Variants in ZC3H13 observed in about 807,000 individuals in gnomAD.
The protein encoded by ZC3H13 is zinc finger CCCH-type containing 13.
A neutral mutation model predicts 204.1 loss-of-function variants in ZC3H13; 64 were observed. The ratio of observed to expected loss-of-function variants is 0.31; its 90% confidence interval spans 0.26 to 0.39. The LOEUF is 0.39. Among genes scored for constraint, ZC3H13 ranks in the 10% least tolerant of loss-of-function variants. The pLI, the probability that ZC3H13 is intolerant of heterozygous loss-of-function variation, is 1.00. For missense variants in ZC3H13, 1,833 were observed against 2,082.7 expected, an observed-to-expected ratio of 0.88 and a Z score of 2.33; for synonymous variants, 667 against 693.7, an observed-to-expected ratio of 0.96 and a Z score of 0.60.
At chr13:46,030,820 G>T (rs924479657) in intron 4 of ZC3H13, among the ~76,000 whole-genome samples, 1 of 152,154 alleles carries the variant, frequency 6.6e-6, no homozygotes, top group Non-Finnish European at 1.5e-5. Context: ...TAAATGAAGA[G>T]TTATTCCATG....
rs2044571519 is a variant in ZC3H13 at position 46,052,678 on chromosome 13, A to G, written c.-284T>C. The G allele has an allele frequency of 1.0e-5, 4 of 398,800 alleles. No homozygotes were observed. Among genetic ancestry groups the G allele is most frequent in the Non-Finnish European group, 1.3e-5 (3 of 226,226 alleles). 24.7% of individuals were successfully genotyped at this position (398,800 alleles called of 1,614,324 possible). On this transcript the variant is annotated 5_prime_UTR_variant, in exon 1 of 19. Coordinates refer to ENST00000679008, the MANE Select transcript of ZC3H13 (RefSeq NM_001330564.2). ...ATAACGAAGAGATTGTAGATTAAGA[A>G]AAGGCAACAAAAACACTACCAGGCC...
At position 45,969,834 on chromosome 13, in the gene ZC3H13, G is replaced by A. The variant is rs1952433557; in HGVS notation, c.2710C>T (p.Arg904Cys). 21 of 1,613,826 alleles carry A rather than the reference G, an allele frequency of 1.3e-5. No individual in the cohort carries two copies. Among genetic ancestry groups the A allele is most frequent in the Non-Finnish European group, 1.7e-5 (20 of 1,179,988 alleles). The change falls in exon 14 of 19, where the codon CGC becomes TGC. Residue 904 changes from arginine (R) to cysteine (C), a missense_variant. This residue lies in a region of ZC3H13 where 1,574 missense variants were observed against 1,757.2 expected (regional missense o/e 0.90). Transcript: ENST00000679008. ...RKPERKESSRRYEEQELKEKV... is the reference protein window; with the variant it reads ...RKPERKESSRCYEEQELKEKV... ...TCCTTGAGTTCCTGTTCTTCGTAGC[G>A]CCTTGAACTCTCTTTCCTTTCTGGT...
Position 45,979,985 on chromosome 13 carries a change from A to C in ZC3H13, c.1740T>G (p.Gly580=). The C allele has an allele frequency of 6.2e-7, 1 of 1,602,850 alleles. No individual in the cohort carries two copies. The highest frequency in any genetic ancestry group is 8.5e-7 in the Non-Finnish European group (1 of 1,176,088). ...LPEKGSRGSR[G]SQIDSHSSNS... ...TACTACTGTGACTATCAATTTGAGA[A>C]CCTCTTGAGCCTCGACTTCCTAAAC... Residue 580 remains glycine, a synonymous_variant, in exon 11 of 19, where the codon GGT becomes GGG. Transcript: ENST00000679008.
In ZC3H13 at chr13:45,967,706, T is replaced by TCTGTCC. The variant is rs758284534; in HGVS notation, c.4113_4118dup (p.Asp1376_Arg1377dup). The TCTGTCC allele has an allele frequency of 1.9e-6, 3 of 1,613,940 alleles. No homozygotes were observed. Among genetic ancestry groups the TCTGTCC allele is most frequent in the African/African-American group, 1.3e-5 (1 of 74,930 alleles). ...AACTCTCAAAAGTTCTGTCTCTGTC[T>TCTGTCC]CTGTCCCTGTCCCTTTCAACAGAAT... On this transcript the variant is annotated inframe_insertion, in exon 15 of 19. Coordinates refer to ENST00000679008, the MANE Select transcript of ZC3H13 (RefSeq NM_001330564.2).
chr13:45,957,488 T>C (rs1951343641), intron 18 of ZC3H13, among the ~76,000 whole-genome samples, 191 bp from the exon 19 acceptor site: 1 of 152,166 alleles, frequency 6.6e-6, no homozygotes, highest in Non-Finnish European at 1.5e-5. Flanking sequence ...GAAAAGAAAC[T>C]TTTAGAGGGC....
At chr13:46,042,993 A>G (rs2043692330) in intron 3 of ZC3H13, among the ~76,000 whole-genome samples, 1 of 152,012 alleles carries the variant, frequency 6.6e-6, no homozygotes, top group South Asian at 2.1e-4. Flanking sequence ...GTAAGGCTTT[A>G]TTATTTATAC....
chr13:45,994,434 C>T (rs1388620318), intron 8 of ZC3H13, among the ~76,000 whole-genome samples: 1 of 152,188 alleles, frequency 6.6e-6, no homozygotes, highest in African/African-American at 2.4e-5. Context: ...ATGTTAAAGA[C>T]AACCCTTAAA....
At chr13:45,970,008 G>A (rs1952453369) in intron 13 of ZC3H13, 37 bp from the exon 14 acceptor site, 1 of 1,563,856 alleles carries the variant, frequency 6.4e-7, no homozygotes, top group Non-Finnish European at 8.6e-7. Flanking sequence ...CTCTCACCAG[G>A]TTAGTAACCA....
At chr13:45,962,632 T>C (rs187272796) in intron 17 of ZC3H13, 139 of 983,280 alleles carry the variant, frequency 1.4e-4, no homozygotes, top group Non-Finnish European at 1.6e-4. Context: ...TATTGGGCTA[T>C]ATTAAAATAA....
rs984279952 is a variant in ZC3H13 at position 45,961,558 on chromosome 13, G to A, written c.4676-1912C>T. Among the ~76,000 whole-genome samples, 10 of 139,462 alleles carry A rather than the reference G, an allele frequency of 7.2e-5. No individual in the cohort carries two copies. In the East Asian group the frequency reaches 1.9e-3, roughly 27 times the overall value. The allele number at this position is 139,462 out of a possible 152,430, so 91.5% of individuals were successfully genotyped here. ...GGAAGGGTAGTGGGGGTGGGGAGATGTGGGGGTGGGGAGATGTGGGGGTGG... is the reference window on the plus strand; with the variant it reads ...GGAAGGGTAGTGGGGGTGGGGAGATATGGGGGTGGGGAGATGTGGGGGTGG... On this transcript the variant is annotated intron_variant, in intron 17 of 18. Coordinates refer to ENST00000679008, the MANE Select transcript of ZC3H13 (RefSeq NM_001330564.2).
chr13:46,047,680 T>C (rs943437643), intron 1 of ZC3H13, among the ~76,000 whole-genome samples: 1 of 151,330 alleles, frequency 6.6e-6, no homozygotes, highest in African/African-American at 2.4e-5. Flanking sequence ...TTTTTAACAA[T>C]ATATATCCAA....
chr13:45,968,692 G>A (rs1322844839), intron 14 of ZC3H13, 56 bp downstream of exon 14: 3 of 1,511,560 alleles, frequency 2.0e-6, no homozygotes, highest in Non-Finnish European at 1.8e-6. Flanking sequence ...ATTAAAATGT[G>A]TATAAAATAT....
Position 46,045,055 on chromosome 13 carries a change from G to A in ZC3H13, c.127C>T (p.Arg43Cys), listed in dbSNP as rs779521582. ...CAGTTGCCAGTCTTCAGCCAGTTAC[G>A]GCACTGTGTCTAAGAGACAGATATT... ...STGSTAETQC[R>C]NWLKTGNCLY... is the part of the protein sequence containing the mutation. Residue 43 changes from arginine to cysteine, a missense_variant, in exon 3 of 19, where the codon CGT (arginine) becomes TGT (cysteine). Arg to Cys is a radical substitution (Grantham distance 180, BLOSUM62 -3). This residue lies in a region of ZC3H13 where 18 missense variants were observed against 46.0 expected (regional missense o/e 0.39). Coordinates refer to ENST00000679008, the MANE Select transcript of ZC3H13 (RefSeq NM_001330564.2). 1.9e-6 allele frequency: 3 copies of A among 1,612,004 alleles called. No homozygotes were observed. The highest frequency in any genetic ancestry group is 2.2e-5 in the South Asian group (2 of 90,760).
chr13:45,979,012 T>C (rs183289957), intron 11 of ZC3H13, among the ~76,000 whole-genome samples: 25 of 152,222 alleles, frequency 1.6e-4, no homozygotes, highest in Middle Eastern at 3.4e-3. Context: ...TATTACCTCT[T>C]TGATTCAGCC....
intron 9 of ZC3H13, among the ~76,000 whole-genome samples, chr13:45,987,165 C>T (rs1015622413): frequency 9.2e-5 from 14 of 152,096 alleles, no homozygotes; most frequent in African/African-American, 3.1e-4. Context: ...ATCCTTCCAC[C>T]GAAATTATCC....
At position 45,983,414 on chromosome 13, in the gene ZC3H13, T is replaced by TATATATATATATA. The variant is rs10678022; in HGVS notation, c.1720+1882_1720+1883insTATATATATATAT. Among the ~76,000 whole-genome samples the TATATATATATATA allele has an allele frequency of 5.8e-4, 12 of 20,558 alleles. 1 individual carries two copies. Among genetic ancestry groups the TATATATATATATA allele is most frequent in the African/African-American group, 1.4e-3 (4 of 2,882 alleles). The allele number at this position is 20,558 out of a possible 152,430, so 13.5% of individuals were successfully genotyped here. ...AGCCCCTTCTACTTATATATATATA[T>TATATATATATATA]TTTTTTTTTTTTTTTTTTTTTTTTT... On this transcript the variant is annotated intron_variant, in intron 10 of 18. Transcript: ENST00000679008.
At chr13:45,991,033 C>A (rs2039935647) in intron 8 of ZC3H13, among the ~76,000 whole-genome samples, 1 of 152,138 alleles carries the variant, frequency 6.6e-6, no homozygotes, top group Non-Finnish European at 1.5e-5. Context: ...AACTCCTGGG[C>A]TCAAGCCATC....
intron 8 of ZC3H13, among the ~76,000 whole-genome samples, chr13:45,998,809 AG>A (rs770334887): frequency 6.6e-5 from 10 of 152,128 alleles, no homozygotes; most frequent in Non-Finnish European, 1.0e-4. Flanking sequence ...AGGTTGCAAA[AG>A]GCTGGGGAGG....
intron 12 of ZC3H13, among the ~76,000 whole-genome samples, chr13:45,972,085 C>T (rs1952631372): frequency 6.6e-6 from 1 of 151,652 alleles, no homozygotes; most frequent in Admixed American, 6.6e-5. Flanking sequence ...CTATGAAAAA[C>T]AGTATGGAGA....
Sources: gnomAD v4.1 joint callset for allele counts (sites outside exome capture counted in the v4.1 genomes callset) on GRCh38, gnomAD v4.1.1 for gene constraint, gnomAD v4.1.1 regional missense constraint, MANE v1.5 for transcripts, NCBI Gene and HGNC (gene_info 2026-07-23, HGNC 2026-07-21) for gene names.